The following PCDHGB5 variants were observed in gnomAD, a reference collection of about 807,000 sequenced individuals.
PCDHGB5 encodes the protein protocadherin gamma subfamily B, 5.
Under a neutral mutation model 62.9 loss-of-function variants are expected in PCDHGB5, and 48 were observed. The observed-to-expected ratio is 0.76, with a 90% CI of 0.61 to 0.97. The LOEUF is 0.97. Ranked by LOEUF, PCDHGB5 falls within the 50% of genes least tolerant of loss-of-function variation. The pLI is 0.00. For missense variants in PCDHGB5, 1,118 were observed against 1,198.6 expected (o/e 0.93, Z 0.99); for synonymous variants, 474 against 511.2 (o/e 0.93, Z 0.98).
At chr5:141,461,979 A>C (rs1420971777) in intron 1 of PCDHGB5, among the ~76,000 whole-genome samples, 1 of 152,144 alleles carries the variant, frequency 6.6e-6, no homozygotes, top group Non-Finnish European at 1.5e-5. Context: ...ATATGCCACC[A>C]CGCCAGGCTA....
At position 141,432,871 on chromosome 5, in the gene PCDHGB5, C is replaced by T. The variant is rs1190891661; in HGVS notation, c.2397+32347C>T. On this transcript the variant is annotated intron_variant, in intron 1 of 3. Transcript: ENST00000617380. This position sits in a 1 kb window ranked among gnomAD's most constrained non-coding sequence, Gnocchi z 6.0. ...CGGTGGCCGCGGTCTCCTGCGTCTT[C>T]CTGGCCTTCGTCATCTTGCTGCTGG... 1 of 1,614,216 alleles carries T rather than the reference C, an allele frequency of 6.2e-7. No homozygotes were observed. Among genetic ancestry groups the T allele is most frequent in the Non-Finnish European group, 8.5e-7 (1 of 1,180,018 alleles).
intron 3 of PCDHGB5, among the ~76,000 whole-genome samples, chr5:141,508,629 T>C (rs934648689): frequency 6.6e-6 from 1 of 152,054 alleles, no homozygotes; most frequent in Non-Finnish European, 1.5e-5. Context: ...GGGCCGAGCT[T>C]CTAGCTACTC....
intron 1 of PCDHGB5, chr5:141,419,343 A>G: frequency 6.2e-7 from 1 of 1,613,806 alleles, no homozygotes; most frequent in East Asian, 2.2e-5. Flanking sequence ...ATTGCCAGCG[A>G]CCTGGAGTCA....
At chr5:141,498,419 G>A (rs78940285) in intron 2 of PCDHGB5, among the ~76,000 whole-genome samples, 4,023 of 152,260 alleles carry the variant, frequency 0.026, 75 homozygotes, top group Non-Finnish European at 0.043. Flanking sequence ...TGCTGGCACT[G>A]GAGTGAGGGG....
At position 141,487,267 on chromosome 5, in the gene PCDHGB5, G is replaced by A; in HGVS notation, c.2398-7540G>A. 3 of 1,614,134 alleles carry A rather than the reference G, an allele frequency of 1.9e-6. No individual in the cohort carries two copies. The highest frequency in any genetic ancestry group is 2.5e-6 in the Non-Finnish European group (3 of 1,180,024). ...CCCTCTACTTGGCTGTGTCCCTAGT[G>A]GCAATTTGCTTTGTCTCCTTTGGCT... is the stretch of plus-strand genomic sequence containing the variant. On this transcript the variant is annotated intron_variant, in intron 1 of 3. Transcript: ENST00000617380. The surrounding 1 kb of genome is among the most constrained non-coding windows in gnomAD (Gnocchi z 5.0).
At chr5:141,492,312 C>G (rs1470136040) in intron 1 of PCDHGB5, among the ~76,000 whole-genome samples, 3 of 152,230 alleles carry the variant, frequency 2.0e-5, no homozygotes, top group Non-Finnish European at 4.4e-5. Context: ...CGCACGCACT[C>G]CTCGCACGTG....
chr5:141,418,819 A>T (rs1285247926), intron 1 of PCDHGB5: 1 of 1,613,868 alleles, frequency 6.2e-7, no homozygotes, highest in African/African-American at 1.3e-5. Context: ...TAAACATAGA[A>T]GCAAAAGACC....
Position 141,487,682 on chromosome 5 carries a change from G to A in PCDHGB5, c.2398-7125G>A, listed in dbSNP as rs757434520. On this transcript the variant is annotated intron_variant, in intron 1 of 3. Transcript: ENST00000617380. This position sits in a 1 kb window ranked among gnomAD's most constrained non-coding sequence, Gnocchi z 5.0. ...TGATCCAGGCATATGGCTAGGCCATGTCCTAGAGAGTACTGGCCTCTCAGT... is the reference window on the plus strand; with the variant it reads ...TGATCCAGGCATATGGCTAGGCCATATCCTAGAGAGTACTGGCCTCTCAGT... The A allele has an allele frequency of 1.2e-6, 2 of 1,607,256 alleles. No individual in the cohort carries two copies. Among genetic ancestry groups the A allele is most frequent in the East Asian group, 4.5e-5 (2 of 44,762 alleles).
Position 141,490,325 on chromosome 5 carries a change from G to A in PCDHGB5, c.2398-4482G>A. 1 of 1,614,236 alleles carries A rather than the reference G, an allele frequency of 6.2e-7. No individual in the cohort carries two copies. Among genetic ancestry groups the A allele is most frequent in the Non-Finnish European group, 8.5e-7 (1 of 1,180,038 alleles). On this transcript the variant is annotated intron_variant, in intron 1 of 3. Transcript: ENST00000617380. This position sits in a 1 kb window ranked among gnomAD's most constrained non-coding sequence, Gnocchi z 5.4. ...TCTTTGGCCAACCCTGTCCTAGAGA[G>A]CACACCAGTGGGCACAGTAGTGGGG...
intron 1 of PCDHGB5, chr5:141,418,005 A>G: frequency 6.2e-7 from 1 of 1,613,764 alleles, no homozygotes. Flanking sequence ...GTGGTGGGGA[A>G]CCTCGCTAAG....
intron 1 of PCDHGB5, among the ~76,000 whole-genome samples, chr5:141,473,831 A>G (rs950283433): frequency 1.3e-5 from 2 of 152,252 alleles, no homozygotes; most frequent in African/African-American, 4.8e-5. Context: ...GTGTGATCCA[A>G]TTAAAATTTT....
At chr5:141,453,287 A>ATTT (rs2098760771) in intron 1 of PCDHGB5, among the ~76,000 whole-genome samples, 3 of 151,368 alleles carry the variant, frequency 2.0e-5, no homozygotes, top group African/African-American at 7.3e-5. Flanking sequence ...CTAATTTTTT[A>ATTT]ATTATTTATT....
At chr5:141,468,077 C>T (rs180732917) in intron 1 of PCDHGB5, among the ~76,000 whole-genome samples, 1 of 152,152 alleles carries the variant, frequency 6.6e-6, no homozygotes, top group East Asian at 1.9e-4. Flanking sequence ...GTAATCCCAG[C>T]ACTTTGGGAG....
intron 1 of PCDHGB5, among the ~76,000 whole-genome samples, chr5:141,483,652 G>A (rs746306843): frequency 2.0e-5 from 3 of 151,916 alleles, no homozygotes; most frequent in Non-Finnish European, 4.4e-5. Context: ...GTGTGTTTGT[G>A]TGTGTGTGTG....
intron 2 of PCDHGB5, among the ~76,000 whole-genome samples, chr5:141,496,628 C>T (rs928402582): frequency 2.0e-5 from 3 of 152,212 alleles, no homozygotes; most frequent in Non-Finnish European, 2.9e-5. Flanking sequence ...GATCAAAAGG[C>T]TTGGGCTGCC....
intron 1 of PCDHGB5, chr5:141,478,167 G>A: frequency 6.2e-7 from 1 of 1,613,772 alleles, no homozygotes; most frequent in Non-Finnish European, 8.5e-7. Context: ...TCTGCCCCCC[G>A]GGAGCAGAAA....
intron 1 of PCDHGB5, chr5:141,414,538 A>C: frequency 1.2e-6 from 2 of 1,613,882 alleles, no homozygotes; most frequent in Non-Finnish European, 1.7e-6. Flanking sequence ...CAACCCACCT[A>C]CCTTCTCTCA....
At position 141,399,944 on chromosome 5, in the gene PCDHGB5, A is replaced by C; in HGVS notation, c.1817A>C (p.Gln606Pro). Residue 606 changes from glutamine to proline, a missense_variant, in exon 1 of 4, where the codon CAG becomes CCG. Gln to Pro is a moderately conservative substitution (Grantham distance 76). Around this residue, in one of 2 missense-constraint regions of PCDHGB5, gnomAD observed 1,034 missense variants for 1,029.1 expected, o/e 1.00. Coordinates refer to ENST00000617380, the MANE Select transcript of PCDHGB5 (RefSeq NM_018925.3). ...HNAWLSYHVL[Q>P]ASEPGLFSLG... ...GCCTGGCTGTCCTACCACGTGCTGCAGGCTAGCGAGCCCGGGCTCTTCAGC... is the reference window on the plus strand; with the variant it reads ...GCCTGGCTGTCCTACCACGTGCTGCCGGCTAGCGAGCCCGGGCTCTTCAGC... The C allele has an allele frequency of 6.2e-7, 1 of 1,612,254 alleles. No homozygotes were observed. Among genetic ancestry groups the C allele is most frequent in the Non-Finnish European group, 8.5e-7 (1 of 1,179,714 alleles).
At position 141,485,576 on chromosome 5, in the gene PCDHGB5, C is replaced by A; in HGVS notation, c.2398-9231C>A. 1 of 1,612,412 alleles carries A rather than the reference C, an allele frequency of 6.2e-7. No individual in the cohort carries two copies. The highest frequency in any genetic ancestry group is 8.5e-7 in the Non-Finnish European group (1 of 1,178,628). On this transcript the variant is annotated intron_variant, in intron 1 of 3. Transcript: ENST00000617380. The surrounding 1 kb of genome is among the most constrained non-coding windows in gnomAD (Gnocchi z 5.7). ...GAATGATCACGCCCCCCGTTTTCCGCGGCAGCAGCTGGACTTGGAAATTGG... is the reference window on the plus strand; with the variant it reads ...GAATGATCACGCCCCCCGTTTTCCGAGGCAGCAGCTGGACTTGGAAATTGG...
Sources: allele counts gnomAD v4.1 joint callset (sites outside exome capture counted in the v4.1 genomes callset), GRCh38; gene constraint gnomAD v4.1.1; regional missense constraint gnomAD v4.1.1; non-coding constraint Gnocchi (gnomAD v3.1); transcripts MANE v1.5; gene names NCBI Gene and HGNC (gene_info 2026-07-23, HGNC 2026-07-21).